Variants in GNAO1 observed in about 807,000 individuals in gnomAD.
The protein encoded by GNAO1 is guanine nucleotide-binding protein G(o) subunit alpha.
For missense variants in GNAO1, 166 were observed against 478.7 expected, an observed-to-expected ratio of 0.35 and a Z score of 6.10; for synonymous variants, 164 against 180.7, an observed-to-expected ratio of 0.91 and a Z score of 0.74.
rs1279420660 is a variant in GNAO1 at position 56,247,112 on chromosome 16, G to A, written c.162-28819G>A. 2.6e-5 allele frequency among the ~76,000 whole-genome samples: 4 copies of A among 152,174 alleles called. No homozygotes were observed. In the South Asian group the frequency reaches 6.2e-4, roughly 24 times the overall value. On this transcript the variant is annotated intron_variant, in intron 2 of 8. Transcript: ENST00000262493. ...CTGACTGCTGGGGCCATCTTTGCCCGCCTCAGCTCCCCTCCGTTGCTGTCA... is the reference window on the plus strand; with the variant it reads ...CTGACTGCTGGGGCCATCTTTGCCCACCTCAGCTCCCCTCCGTTGCTGTCA...
At chr16:56,252,615 A>G (rs1359497660) in intron 2 of GNAO1, among the ~76,000 whole-genome samples, 1 of 152,216 alleles carries the variant, frequency 6.6e-6, no homozygotes, top group Non-Finnish European at 1.5e-5. Flanking sequence ...GGGGAGGTGC[A>G]CACAAACCAC....
intron 2 of GNAO1, among the ~76,000 whole-genome samples, chr16:56,220,640 A>G (rs1265712302): frequency 1.3e-5 from 2 of 152,176 alleles, no homozygotes; most frequent in Non-Finnish European, 2.9e-5. Context: ...TTCATGTAGA[A>G]ACTTAATCTC....
At chr16:56,344,802 A>G (rs1422300822) in intron 6 of GNAO1, 4 of 985,200 alleles carry the variant, frequency 4.1e-6, no homozygotes, top group African/African-American at 1.7e-5. Context: ...GTGTGAATAG[A>G]TATGTTTTTC....
At chr16:56,314,017 C>A (rs1268176553) in intron 3 of GNAO1, among the ~76,000 whole-genome samples, 2 of 152,232 alleles carry the variant, frequency 1.3e-5, no homozygotes, top group Non-Finnish European at 2.9e-5. Flanking sequence ...TTGAATGGAT[C>A]TCTTACTATG....
intron 6 of GNAO1, chr16:56,347,763 C>T: frequency 3.0e-6 from 2 of 671,170 alleles, no homozygotes; most frequent in African/African-American, 2.0e-5. Context: ...CCTTCCCTCC[C>T]CACCCCTCCC....
rs1182393789 is a variant in GNAO1, at chr16:56,331,098, C to T, written c.464+2307C>T. Among the ~76,000 whole-genome samples the T allele has an allele frequency of 2.0e-5, 3 of 152,220 alleles. No individual in the cohort carries two copies. The South Asian group carries it at 6.2e-4, about 32-fold the overall frequency. ...TGCTGGAAAGGAGAGGGAGGACTCACAGGGCTGCCACAGCACGTGCTTCCA... is the reference window on the plus strand; with the variant it reads ...TGCTGGAAAGGAGAGGGAGGACTCATAGGGCTGCCACAGCACGTGCTTCCA... On this transcript the variant is annotated intron_variant, in intron 4 of 8. Coordinates refer to ENST00000262493, the MANE Select transcript of GNAO1 (RefSeq NM_020988.3).
At chr16:56,346,405 C>T (rs2037870301) in intron 6 of GNAO1, 1 of 985,404 alleles carries the variant, frequency 1.0e-6, no homozygotes, top group Non-Finnish European at 1.2e-6. Context: ...TTTAGCAGGC[C>T]AAGCAGAAAC....
chr16:56,194,197 C>T, intron 2 of GNAO1: 1 of 456,514 alleles, frequency 2.2e-6, no homozygotes, highest in Middle Eastern at 3.3e-4. Flanking sequence ...CCCCCCTTGG[C>T]TCGCCGCACC....
At chr16:56,347,531 G>A (rs2037882716) in intron 6 of GNAO1, 1 of 985,532 alleles carries the variant, frequency 1.0e-6, no homozygotes, top group Non-Finnish European at 1.2e-6. Context: ...ACTGCAGCCA[G>A]ATGAAGGCCC....
chr16:56,283,099 C>A (rs1261523405), intron 3 of GNAO1, among the ~76,000 whole-genome samples: 1 of 152,180 alleles, frequency 6.6e-6, no homozygotes, highest in African/African-American at 2.4e-5. Flanking sequence ...CATAGGGAAC[C>A]AAACATCTTG....
intron 2 of GNAO1, among the ~76,000 whole-genome samples, chr16:56,213,707 G>A: frequency 6.6e-6 from 1 of 152,184 alleles, no homozygotes; most frequent in South Asian, 2.1e-4. Context: ...TGATGGAGGT[G>A]AAGGAGCCAG....
intron 2 of GNAO1, among the ~76,000 whole-genome samples, chr16:56,275,364 G>A (rs1217808992): frequency 6.6e-6 from 1 of 152,212 alleles, no homozygotes; most frequent in Non-Finnish European, 1.5e-5. Flanking sequence ...CAGAACGAGG[G>A]TGGTATGTGG....
chr16:56,353,564 G>C (rs572503515), intron 7 of GNAO1: 2 of 152,474 alleles, frequency 1.3e-5, no homozygotes, highest in East Asian at 3.9e-4. Flanking sequence ...AGCATGGCTG[G>C]GTGGCAGCAG....
chr16:56,194,244 T>C (rs1267488045), intron 2 of GNAO1: 1 of 456,512 alleles, frequency 2.2e-6, no homozygotes, highest in East Asian at 6.9e-5. Flanking sequence ...GGGGCTTCTC[T>C]TGAGCTTGTG....
intron 3 of GNAO1, among the ~76,000 whole-genome samples, chr16:56,310,572 A>C (rs1479605930): frequency 6.6e-6 from 1 of 152,204 alleles, no homozygotes; most frequent in African/African-American, 2.4e-5. Flanking sequence ...CTCTTTCACC[A>C]GCTTACAGTC....
intron 2 of GNAO1, among the ~76,000 whole-genome samples, chr16:56,265,117 C>T (rs2036939902): frequency 6.6e-6 from 1 of 152,242 alleles, no homozygotes; most frequent in Admixed American, 6.5e-5. Flanking sequence ...GACAAGCCCC[C>T]CAGCCCGAGC....
At chr16:56,285,097 C>T (rs1278729943) in intron 3 of GNAO1, among the ~76,000 whole-genome samples, 1 of 152,138 alleles carries the variant, frequency 6.6e-6, no homozygotes, top group Non-Finnish European at 1.5e-5. Flanking sequence ...GCTGGGCTGC[C>T]ATCAGTCTCT....
At chr16:56,293,929 A>G (rs1472284718) in intron 3 of GNAO1, among the ~76,000 whole-genome samples, 1 of 152,220 alleles carries the variant, frequency 6.6e-6, no homozygotes, top group African/African-American at 2.4e-5. Flanking sequence ...TCAAGTGATT[A>G]ACAGCAGTAC....
At chr16:56,210,440 A>G (rs1448341795) in intron 2 of GNAO1, among the ~76,000 whole-genome samples, 7 of 152,232 alleles carry the variant, frequency 4.6e-5, no homozygotes, top group African/African-American at 9.7e-5. Flanking sequence ...AAGGAGCACA[A>G]TTGCTGGATT....
Sources: allele counts gnomAD v4.1 joint callset (sites outside exome capture counted in the v4.1 genomes callset), GRCh38; gene constraint gnomAD v4.1.1; transcripts MANE v1.5; gene names NCBI Gene and HGNC (gene_info 2026-07-23, HGNC 2026-07-21).